The following XKR4 variants were observed in gnomAD, a reference collection of about 807,000 sequenced individuals.
The protein encoded by XKR4 is XK-related protein 4.
XKR4 carries 12 observed loss-of-function variants against 53.9 expected under a neutral mutation model. The observed-to-expected ratio is 0.22, with a 90% confidence interval of 0.14 to 0.36. The LOEUF (loss-of-function observed/expected upper bound fraction) is 0.36, where lower values mean the gene tolerates loss of function less well. Ranked by LOEUF, XKR4 falls within the 10% of genes least tolerant of loss-of-function variation. The pLI is 1.00. For missense variants in XKR4, 799 were observed against 859.5 expected, an observed-to-expected ratio of 0.93 and a Z score of 0.88; for synonymous variants, 354 against 362.4, an observed-to-expected ratio of 0.98 and a Z score of 0.26.
Position 55,451,018 on chromosome 8 carries a change from C to G in XKR4, c.1007-72263C>G, listed in dbSNP as rs866932256. On this transcript the variant is annotated intron_variant, in intron 2 of 2. Transcript: ENST00000327381. ...GCCTTCAGCAGCTTTTTGAAGCTAGCCTTCACCTGCCGCGCCTGGAATACC... is the reference window on the plus strand; with the variant it reads ...GCCTTCAGCAGCTTTTTGAAGCTAGGCTTCACCTGCCGCGCCTGGAATACC... The G allele has an allele frequency of 7.4e-5, 41 of 550,820 alleles. 1 individual carries two copies. Among genetic ancestry groups the G allele is most frequent in the South Asian group, 6.7e-4 (41 of 60,762 alleles). The allele number at this position is 550,820 out of a possible 1,614,324, so 34.1% of individuals were successfully genotyped here.
Position 55,303,325 on chromosome 8 carries a change from G to C in XKR4, c.807-54353G>C, listed in dbSNP as rs569592530. Among the ~76,000 whole-genome samples, 22 of 152,148 alleles carry C rather than the reference G, an allele frequency of 1.4e-4. No homozygotes were observed. The East Asian group carries it at 3.7e-3, about 25-fold the overall frequency. ...TATTGATTTGTGTATGTTGAAACAGGCTTGCATCCCAGGGATGAAGCCCAC... is the reference window on the plus strand; with the variant it reads ...TATTGATTTGTGTATGTTGAAACAGCCTTGCATCCCAGGGATGAAGCCCAC... On this transcript the variant is annotated intron_variant, in intron 1 of 2. Coordinates refer to ENST00000327381, the MANE Select transcript of XKR4 (RefSeq NM_052898.2).
intron 1 of XKR4, among the ~76,000 whole-genome samples, chr8:55,111,946 T>A (rs890202441): frequency 2.6e-5 from 4 of 152,174 alleles, no homozygotes. Flanking sequence ...TCCAGGCCTA[T>A]CCTTGTTAAA....
At chr8:55,248,390 A>G (rs554253959) in intron 1 of XKR4, among the ~76,000 whole-genome samples, 1 of 152,244 alleles carries the variant, frequency 6.6e-6, no homozygotes, top group African/African-American at 2.4e-5. Context: ...GCAAGCATGT[A>G]ATTGCCTCTA....
At chr8:55,392,513 G>A (rs924856741) in intron 2 of XKR4, among the ~76,000 whole-genome samples, 16 of 152,182 alleles carry the variant, frequency 1.1e-4, no homozygotes, top group Admixed American at 3.3e-4. Context: ...AAAAGAGGCC[G>A]AGCATGGTGG....
intron 2 of XKR4, among the ~76,000 whole-genome samples, chr8:55,445,746 C>T (rs1484032009): frequency 4.6e-5 from 7 of 152,102 alleles, no homozygotes; most frequent in East Asian, 3.8e-4. Flanking sequence ...GTCCCTCCTC[C>T]GCCACACACA....
intron 2 of XKR4, among the ~76,000 whole-genome samples, chr8:55,496,476 C>A (rs1442747838): frequency 1.3e-5 from 2 of 152,184 alleles, no homozygotes; most frequent in African/African-American, 4.8e-5. Context: ...GACAGCCAAC[C>A]TCTCAGAGCT....
intron 2 of XKR4, among the ~76,000 whole-genome samples, chr8:55,457,482 C>T (rs1416061777): frequency 2.6e-5 from 4 of 152,116 alleles, no homozygotes; most frequent in Admixed American, 1.3e-4. Context: ...ATTCTGTGTC[C>T]ATCAAAACTA....
chr8:55,413,020 G>A (rs910784793), intron 2 of XKR4, among the ~76,000 whole-genome samples: 15 of 152,210 alleles, frequency 9.9e-5, no homozygotes, highest in Non-Finnish European at 1.5e-4. Flanking sequence ...CTGCTCTGAA[G>A]GGCAGGGATG....
At chr8:55,461,759 C>G (rs938269253) in intron 2 of XKR4, among the ~76,000 whole-genome samples, 1 of 152,128 alleles carries the variant, frequency 6.6e-6, no homozygotes, top group Non-Finnish European at 1.5e-5. Context: ...CTAGAATAAC[C>G]AATGCAGAGA....
intron 2 of XKR4, among the ~76,000 whole-genome samples, chr8:55,479,089 G>A (rs1185529005): frequency 2.0e-5 from 3 of 152,028 alleles, no homozygotes; most frequent in Non-Finnish European, 4.4e-5. Flanking sequence ...CAAATCAACA[G>A]AATATACATT....
intron 2 of XKR4, among the ~76,000 whole-genome samples, chr8:55,376,871 T>C (rs185352062): frequency 0.011 from 1,653 of 151,894 alleles, 23 homozygotes; most frequent in African/African-American, 0.038. Flanking sequence ...TTCTCATCTC[T>C]CACCCTCTCT....
At chr8:55,217,789 C>T (rs1052977872) in intron 1 of XKR4, among the ~76,000 whole-genome samples, 27 of 134,734 alleles carry the variant, frequency 2.0e-4, no homozygotes, top group African/African-American at 6.6e-4. Context: ...TAGATAGATA[C>T]ACACAGATAA....
At chr8:55,513,511 C>T (rs1806661534) in intron 2 of XKR4, among the ~76,000 whole-genome samples, 1 of 152,196 alleles carries the variant, frequency 6.6e-6, no homozygotes, top group Non-Finnish European at 1.5e-5. Flanking sequence ...CATGCCTGTT[C>T]ACTCTGCAAG....
At chr8:55,120,318 A>T (rs1332805308) in intron 1 of XKR4, among the ~76,000 whole-genome samples, 1 of 152,158 alleles carries the variant, frequency 6.6e-6, no homozygotes. Flanking sequence ...GAGTTTAAGT[A>T]GGGCTTACCT....
intron 2 of XKR4, among the ~76,000 whole-genome samples, chr8:55,382,757 T>C (rs1804253772): frequency 6.6e-6 from 1 of 152,212 alleles, no homozygotes. Context: ...TTGATTTCTT[T>C]TTAGCATCTG....
chr8:55,222,583 C>T (rs970551861), intron 1 of XKR4, among the ~76,000 whole-genome samples: 3 of 152,144 alleles, frequency 2.0e-5, no homozygotes, highest in Admixed American at 6.5e-5. Flanking sequence ...GCAATCCACA[C>T]GTATTTTATT....
intron 1 of XKR4, among the ~76,000 whole-genome samples, chr8:55,322,257 T>A (rs1000710135): frequency 6.6e-5 from 10 of 152,218 alleles, no homozygotes; most frequent in African/African-American, 2.4e-4. Context: ...CTCGAGTATG[T>A]TTCTAAATCT....
chr8:55,441,428 C>T (rs990303206), intron 2 of XKR4, among the ~76,000 whole-genome samples: 1 of 152,026 alleles, frequency 6.6e-6, no homozygotes, highest in Non-Finnish European at 1.5e-5. Flanking sequence ...TTTAACACAG[C>T]TCTCAGTAAA....
At chr8:55,158,436 C>A (rs1816938542) in intron 1 of XKR4, among the ~76,000 whole-genome samples, 1 of 152,116 alleles carries the variant, frequency 6.6e-6, no homozygotes, top group South Asian at 2.1e-4. Flanking sequence ...ATATTTTCTC[C>A]ATTCTATAGG....
Sources: allele counts gnomAD v4.1 joint callset (sites outside exome capture counted in the v4.1 genomes callset), GRCh38; gene constraint gnomAD v4.1.1; transcripts MANE v1.5; gene names NCBI Gene and HGNC (gene_info 2026-07-23, HGNC 2026-07-21).